Variants in RALGAPB observed in about 807,000 individuals in gnomAD.
RALGAPB encodes Ral GTPase activating protein non-catalytic subunit beta, also known as ral GTPase-activating protein subunit beta.
RALGAPB carries 25 observed loss-of-function variants against 161.1 expected under a neutral mutation model. The ratio of observed to expected loss-of-function variants is 0.16; its 90% CI spans 0.11 to 0.22. The LOEUF (loss-of-function observed/expected upper bound fraction) is 0.22. Ranked by LOEUF, RALGAPB falls within the 10% of genes least tolerant of loss-of-function variation. The pLI is 1.00. For missense variants in RALGAPB, 1,391 were observed against 1,815.2 expected (o/e 0.77, Z 4.25); for synonymous variants, 629 against 626.1 (o/e 1.00, Z -0.07).
At chr20:38,485,870 G>GT (rs1451166735) in intron 1 of RALGAPB, among the ~76,000 whole-genome samples, 2 of 146,970 alleles carry the variant, frequency 1.4e-5, no homozygotes, top group South Asian at 2.2e-4. Context: ...TTGTTTTAAT[G>GT]TTTTTTGTCT....
chr20:38,564,442 G>A (rs1478072835), intron 24 of RALGAPB, among the ~76,000 whole-genome samples: 1 of 152,040 alleles, frequency 6.6e-6, no homozygotes, highest in Non-Finnish European at 1.5e-5. Flanking sequence ...CCAGAATTAG[G>A]TATCTTCCAA....
chr20:38,489,876 G>A (rs991210098), intron 2 of RALGAPB, among the ~76,000 whole-genome samples: 1 of 152,106 alleles, frequency 6.6e-6, no homozygotes, highest in South Asian at 2.1e-4. Flanking sequence ...TTCCTGGTGC[G>A]TTTGTGATCC....
chr20:38,508,241 C>T (rs1042267314), intron 5 of RALGAPB, among the ~76,000 whole-genome samples: 1 of 151,814 alleles, frequency 6.6e-6, no homozygotes, highest in African/African-American at 2.4e-5. Flanking sequence ...ACTAAGATCA[C>T]TGACAGCTGA....
chr20:38,535,856 A>G (rs2086790494), intron 16 of RALGAPB, among the ~76,000 whole-genome samples: 1 of 152,194 alleles, frequency 6.6e-6, no homozygotes, highest in South Asian at 2.1e-4. Flanking sequence ...AAGTGCTAGG[A>G]TTCCAGGTGT....
Position 38,483,451 on chromosome 20 carries a change from C to A in RALGAPB, c.-30-4952C>A, listed in dbSNP as rs374760808. On this transcript the variant is annotated intron_variant, in intron 1 of 29. Transcript: ENST00000262879. ...ATTATTGATGGAAGTTAAATTACAC[C>A]CACTTCCCCATCTTATATGTAATAC... 4.5e-4 allele frequency among the ~76,000 whole-genome samples: 69 copies of A among 152,118 alleles called. No homozygotes were observed. In the South Asian group the frequency reaches 0.014, roughly 30 times the overall value.
At chr20:38,474,350 C>T (rs1368172443) in intron 1 of RALGAPB, among the ~76,000 whole-genome samples, 1 of 152,132 alleles carries the variant, frequency 6.6e-6, no homozygotes. Context: ...AATGCAGTGG[C>T]ATGATCTTGG....
intron 3 of RALGAPB, among the ~76,000 whole-genome samples, chr20:38,495,374 A>C (rs2085396052): frequency 6.6e-6 from 1 of 152,186 alleles, no homozygotes; most frequent in Non-Finnish European, 1.5e-5. Context: ...CACATATACT[A>C]TACTGTACTT....
At chr20:38,488,879 G>A (rs1425501516) in intron 2 of RALGAPB, among the ~76,000 whole-genome samples, 1 of 152,064 alleles carries the variant, frequency 6.6e-6, no homozygotes, top group Non-Finnish European at 1.5e-5. Flanking sequence ...TACTAGTTAT[G>A]GTCAATTCTC....
At chr20:38,482,396 T>G (rs979220009) in intron 1 of RALGAPB, among the ~76,000 whole-genome samples, 6 of 151,742 alleles carry the variant, frequency 4.0e-5, no homozygotes, top group Admixed American at 6.6e-5. Context: ...CTACCATCCT[T>G]CTAATCTTTA....
intron 26 of RALGAPB, among the ~76,000 whole-genome samples, chr20:38,567,942 CA>C (rs1451787469): frequency 6.6e-6 from 1 of 152,050 alleles, no homozygotes; most frequent in Non-Finnish European, 1.5e-5. Flanking sequence ...AAAAAAATGC[CA>C]GGTGGTGTAA....
Position 38,574,237 on chromosome 20 carries a change from T to A in RALGAPB, c.4230T>A (p.Thr1410=). 1 of 1,614,004 alleles carries A rather than the reference T, an allele frequency of 6.2e-7. No homozygotes were observed. Among genetic ancestry groups the A allele is most frequent in the Non-Finnish European group, 8.5e-7 (1 of 1,179,916 alleles). Reference sequence around the variant, plus strand: ...TCCGGATAAAAATTCAAGGAGCCACTGGAAAATTTAATATGGTCATCCCTC... The same window carrying A: ...TCCGGATAAAAATTCAAGGAGCCACAGGAAAATTTAATATGGTCATCCCTC... The part of the protein sequence containing the change: ...GLFRIKIQGA[T]GKFNMVIPLV... Residue 1410 remains threonine (T), a synonymous_variant, in exon 29 of 30, where the codon ACT becomes ACA. Transcript: ENST00000262879.
intron 5 of RALGAPB, among the ~76,000 whole-genome samples, chr20:38,501,486 C>G (rs1230725943): frequency 6.6e-6 from 1 of 152,138 alleles, no homozygotes; most frequent in East Asian, 1.9e-4. Context: ...GCCTGTAGAA[C>G]ACACCTCCCA....
chr20:38,575,064 C>T lies in RALGAPB; in HGVS notation c.*97C>T, dbSNP rs45603931. 1,058 of 1,006,462 alleles carry T rather than the reference C, an allele frequency of 1.1e-3. 10 individuals carry two copies. The African/African-American group carries it at 0.015, about 14-fold the overall frequency. 62.3% of individuals were successfully genotyped at this position (1,006,462 alleles called of 1,614,324 possible). A position where few individuals can be genotyped will look rare whatever the true frequency, so the allele number is the denominator to read the frequency against. ...TCACTGTAAAAATAAAAACAAATCA[C>T]TCCCAAGAGCTTACTGTTTAATCAC... On this transcript the variant is annotated 3_prime_UTR_variant, in exon 30 of 30. Transcript: ENST00000262879.
At chr20:38,565,632 TCTTAA>T (rs1474981613) in intron 25 of RALGAPB, among the ~76,000 whole-genome samples, 154 bp downstream of exon 25, 1 of 152,252 alleles carries the variant, frequency 6.6e-6, no homozygotes, top group Non-Finnish European at 1.5e-5. Flanking sequence ...AGATGTCTTC[TCTTAA>T]CTTTTTTATG....
intron 2 of RALGAPB, among the ~76,000 whole-genome samples, chr20:38,492,183 A>G (rs1035550807): frequency 5.3e-5 from 8 of 152,188 alleles, no homozygotes; most frequent in East Asian, 1.9e-4. Context: ...CCAGAATTCA[A>G]GTTTTCAGCT....
intron 1 of RALGAPB, among the ~76,000 whole-genome samples, chr20:38,484,904 A>G (rs1366440721): frequency 6.6e-6 from 1 of 152,124 alleles, no homozygotes; most frequent in Non-Finnish European, 1.5e-5. Flanking sequence ...CATGTTGGTC[A>G]GGCTAGTCTC....
intron 18 of RALGAPB, among the ~76,000 whole-genome samples, 183 bp from the exon 19 acceptor site, chr20:38,546,060 T>A (rs1463479249): frequency 6.6e-6 from 1 of 152,040 alleles, no homozygotes; most frequent in Non-Finnish European, 1.5e-5. Context: ...GGCTTTTTAA[T>A]CTTGGAGGGG....
chr20:38,491,669 C>G (rs1431962916), intron 2 of RALGAPB, among the ~76,000 whole-genome samples: 1 of 152,114 alleles, frequency 6.6e-6, no homozygotes, highest in Non-Finnish European at 1.5e-5. Context: ...TGACTTATGC[C>G]AAATTGCTTA....
chr20:38,491,273 C>T (rs2085271261), intron 2 of RALGAPB, among the ~76,000 whole-genome samples: 6 of 152,022 alleles, frequency 3.9e-5, no homozygotes, highest in Admixed American at 3.9e-4. Flanking sequence ...TTCTGTCCAA[C>T]AAGTTGGCCA....
Sources: allele counts gnomAD v4.1 joint callset (sites outside exome capture counted in the v4.1 genomes callset), GRCh38; gene constraint gnomAD v4.1.1; transcripts MANE v1.5; gene names NCBI Gene and HGNC (gene_info 2026-07-23, HGNC 2026-07-21).